The following PCDH9 variants were observed in gnomAD, a reference collection of about 807,000 sequenced individuals.
PCDH9 encodes the protein protocadherin 9, also known as protocadherin-9.
In PCDH9, 24 loss-of-function variants were observed where a neutral mutation model predicts 70.6. The observed-to-expected ratio is 0.34, with a 90% CI of 0.25 to 0.48. The LOEUF (loss-of-function observed/expected upper bound fraction) is 0.48. PCDH9 is among the 20% of genes least tolerant of loss of function. The pLI is 0.99. For missense variants in PCDH9, 1,281 were observed against 1,503.6 expected (o/e 0.85, Z 2.45); for synonymous variants, 562 against 558.5 (o/e 1.01, Z -0.09).
At chr13:67,090,661 GA>G (rs2086199657) in intron 2 of PCDH9, among the ~76,000 whole-genome samples, 1 of 151,544 alleles carries the variant, frequency 6.6e-6, no homozygotes, top group South Asian at 2.1e-4. Flanking sequence ...ATGAAGTTCT[GA>G]AATGTTAAAG....
intron 2 of PCDH9, among the ~76,000 whole-genome samples, chr13:67,024,521 T>C (rs186643309): frequency 6.6e-6 from 1 of 152,252 alleles, no homozygotes; most frequent in Admixed American, 6.5e-5. Flanking sequence ...TCTTTTACTA[T>C]AATTTATGCT....
chr13:67,012,135 C>T (rs866956180), intron 2 of PCDH9, among the ~76,000 whole-genome samples: 16 of 151,632 alleles, frequency 1.1e-4, no homozygotes, highest in African/African-American at 3.9e-4. Context: ...AATCATTCTA[C>T]GGTTTCTTTA....
intron 2 of PCDH9, among the ~76,000 whole-genome samples, chr13:67,024,818 T>A (rs968465997): frequency 5.9e-5 from 9 of 152,066 alleles, no homozygotes; most frequent in South Asian, 2.1e-4. Context: ...GTAGAAAAAA[T>A]TATGAAATAC....
chr13:67,037,191 A>G (rs1320690199), intron 2 of PCDH9, among the ~76,000 whole-genome samples: 2 of 152,112 alleles, frequency 1.3e-5, no homozygotes, highest in African/African-American at 2.4e-5. Context: ...TCTATTCAGG[A>G]GAAGTTTTGG....
chr13:66,552,496 A>G (rs573132999), intron 4 of PCDH9, among the ~76,000 whole-genome samples: 7 of 152,234 alleles, frequency 4.6e-5, no homozygotes, highest in Non-Finnish European at 8.8e-5. Context: ...TAACTCCAAT[A>G]ACTGCTGAAC....
intron 2 of PCDH9, among the ~76,000 whole-genome samples, chr13:66,959,769 G>GGA (rs2083317065): frequency 2.7e-5 from 4 of 149,926 alleles, no homozygotes; most frequent in Non-Finnish European, 4.4e-5. Context: ...AAAAAAGAAA[G>GGA]AAAAAATAAA....
At chr13:66,444,490 C>A (rs1312644684) in intron 4 of PCDH9, among the ~76,000 whole-genome samples, 1 of 149,466 alleles carries the variant, frequency 6.7e-6, no homozygotes, top group African/African-American at 2.5e-5. Context: ...CCTAATAAGA[C>A]TTTTTTTTTT....
intron 2 of PCDH9, among the ~76,000 whole-genome samples, chr13:66,959,215 A>G (rs557845924): frequency 6.6e-6 from 1 of 152,198 alleles, no homozygotes; most frequent in African/African-American, 2.4e-5. Flanking sequence ...AAGCACATAT[A>G]AGAGATGTCA....
chr13:66,647,220 C>T (rs1383665409), intron 3 of PCDH9, among the ~76,000 whole-genome samples: 1 of 152,130 alleles, frequency 6.6e-6, no homozygotes, highest in African/African-American at 2.4e-5. Flanking sequence ...CCAGGGTTTC[C>T]AAGGAAATGC....
rs570016449 is a variant in PCDH9, at chr13:67,072,817, C to G, written c.3036+152588G>C. On this transcript the variant is annotated intron_variant, in intron 2 of 4. Transcript: ENST00000377865. ...TGTTATATAATAATGCATGAGTAAA[C>G]ACTAAAATTAAAAATAAATCTCAGA... is the stretch of plus-strand genomic sequence containing the variant. Among the ~76,000 whole-genome samples, 9 of 152,064 alleles carry G rather than the reference C, an allele frequency of 5.9e-5. No homozygotes were observed. In the South Asian group the frequency reaches 1.4e-3, roughly 24 times the overall value.
chr13:66,479,009 T>G (rs567163459), intron 4 of PCDH9, among the ~76,000 whole-genome samples: 1 of 152,300 alleles, frequency 6.6e-6, no homozygotes, highest in African/African-American at 2.4e-5. Context: ...ACTCTCTTAT[T>G]AGGGGCTAAC....
chr13:66,943,677 A>T (rs17082004), intron 2 of PCDH9, among the ~76,000 whole-genome samples: 12,044 of 152,082 alleles, frequency 0.079, 947 homozygotes, highest in African/African-American at 0.21. Context: ...CTATAACCAA[A>T]GGATATGTGT....
At chr13:66,559,531 T>G (rs1367048133) in intron 4 of PCDH9, among the ~76,000 whole-genome samples, 1 of 152,034 alleles carries the variant, frequency 6.6e-6, no homozygotes, top group African/African-American at 2.4e-5. Flanking sequence ...CCGGGCACAG[T>G]GGCTCACGCC....
chr13:66,455,251 A>T (rs1024488144), intron 4 of PCDH9, among the ~76,000 whole-genome samples: 2 of 151,310 alleles, frequency 1.3e-5, no homozygotes, highest in African/African-American at 4.8e-5. Flanking sequence ...TATTGACCAT[A>T]TATATATATT....
Position 67,225,942 on chromosome 13 carries a change from G to A in PCDH9, c.2499C>T (p.Thr833=), listed in dbSNP as rs1253905807. Residue 833 remains threonine, a synonymous_variant, in exon 2 of 5, where the codon ACC becomes ACT. Transcript: ENST00000377865. ...ATGCATGGCGACAGCGCACCAGAAC[G>A]GTGACGAAGATCACAACAATGACCA... ...AMVVIVVIFV[T]VLVRCRHASR... is the part of the protein sequence containing the mutation. 6.2e-7 allele frequency: 1 copy of A among 1,614,092 alleles called. No homozygotes were observed.
chr13:66,586,519 CA>C (rs2076965554), intron 4 of PCDH9, among the ~76,000 whole-genome samples: 1 of 152,124 alleles, frequency 6.6e-6, no homozygotes. Context: ...GCTCTTCCTC[CA>C]GGAGGCTAGC....
chr13:67,144,948 A>G (rs985034171), intron 2 of PCDH9, among the ~76,000 whole-genome samples: 5 of 152,114 alleles, frequency 3.3e-5, no homozygotes, highest in Non-Finnish European at 5.9e-5. Flanking sequence ...AATTCCTACA[A>G]TAATTTCCTG....
At chr13:67,032,186 C>T (rs12875136) in intron 2 of PCDH9, among the ~76,000 whole-genome samples, 6 of 152,050 alleles carry the variant, frequency 3.9e-5, no homozygotes, top group Admixed American at 1.3e-4. Flanking sequence ...CTCGGTCACC[C>T]AGGCTGGAGT....
At chr13:66,888,255 G>A (rs1411646462) in intron 3 of PCDH9, among the ~76,000 whole-genome samples, 1 of 152,080 alleles carries the variant, frequency 6.6e-6, no homozygotes, top group Non-Finnish European at 1.5e-5. Context: ...AGCTCTTTGA[G>A]AGGCCGAGCT....
Sources: allele counts gnomAD v4.1 joint callset (sites outside exome capture counted in the v4.1 genomes callset), GRCh38; gene constraint gnomAD v4.1.1; transcripts MANE v1.5; gene names NCBI Gene and HGNC (gene_info 2026-07-23, HGNC 2026-07-21).